The following KCTD8 variants were observed in gnomAD, a reference collection of about 807,000 sequenced individuals.
The protein encoded by KCTD8 is BTB/POZ domain-containing protein KCTD8.
KCTD8 carries 27 observed loss-of-function variants against 31.5 expected under a neutral mutation model. That is an observed-to-expected ratio of 0.86 (90% CI 0.63 to 1.18). KCTD8 has a LOEUF of 1.18. Ranked by LOEUF, KCTD8 falls within the 50% of genes most tolerant of loss-of-function variation. The pLI is 0.00. For synonymous variants in KCTD8, 290 were observed against 280.0 expected (o/e 1.04, Z -0.36); for missense variants, 658 against 647.7 (o/e 1.02, Z -0.17).
chr4:44,199,539 T>C (rs1395378608), intron 1 of KCTD8, among the ~76,000 whole-genome samples: 1 of 152,016 alleles, frequency 6.6e-6, no homozygotes, highest in Non-Finnish European at 1.5e-5. Context: ...ATTAATCAAC[T>C]TGCTCCAGAA....
intron 1 of KCTD8, among the ~76,000 whole-genome samples, chr4:44,181,815 C>T (rs185960622): frequency 0.053 from 8,000 of 151,620 alleles, 273 homozygotes; most frequent in Non-Finnish European, 0.077. Flanking sequence ...CGTCTCTGCC[C>T]GGCTGCCCAT....
rs564912761 is a variant in KCTD8 at position 44,347,700 on chromosome 4, C to T, written c.961+99863G>A. On this transcript the variant is annotated intron_variant, in intron 1 of 1. Coordinates refer to ENST00000360029, the MANE Select transcript of KCTD8 (RefSeq NM_198353.3). ...AAATTATATTAGATTAAAATATGAG[C>T]ATTATCAACACTGATATTTACAATT... Among the ~76,000 whole-genome samples the T allele has an allele frequency of 3.9e-5, 6 of 152,152 alleles. No homozygotes were observed. In the South Asian group the frequency reaches 1.2e-3, roughly 32 times the overall value.
chr4:44,377,474 A>G (rs1362301349), intron 1 of KCTD8, among the ~76,000 whole-genome samples: 1 of 152,172 alleles, frequency 6.6e-6, no homozygotes, highest in Non-Finnish European at 1.5e-5. Context: ...GGGGGGTAGA[A>G]TTATGGGGTC....
rs557414846 is a variant in KCTD8, at chr4:44,288,526, C to T, written c.962-113276G>A. Among the ~76,000 whole-genome samples the T allele has an allele frequency of 1.4e-4, 22 of 152,132 alleles. No homozygotes were observed. In the South Asian group the frequency reaches 4.4e-3, roughly 30 times the overall value. On this transcript the variant is annotated intron_variant, in intron 1 of 1. Transcript: ENST00000360029. ...GAGTTTGACATGGTTATAATTTCTG[C>T]TCTTTCAAAGCAAGGAAGTAGTAGA...
At chr4:44,217,841 G>A (rs952166435) in intron 1 of KCTD8, among the ~76,000 whole-genome samples, 10 of 151,996 alleles carry the variant, frequency 6.6e-5, no homozygotes, top group Admixed American at 1.3e-4. Flanking sequence ...TCAGGCCTTT[G>A]GCCACAGACT....
At chr4:44,317,849 A>T (rs1434105554) in intron 1 of KCTD8, among the ~76,000 whole-genome samples, 1 of 152,194 alleles carries the variant, frequency 6.6e-6, no homozygotes. Flanking sequence ...AGCAGTGCCC[A>T]CAAAGATTAC....
intron 1 of KCTD8, among the ~76,000 whole-genome samples, chr4:44,285,225 T>C (rs1258440917): frequency 6.6e-6 from 1 of 152,136 alleles, no homozygotes; most frequent in Non-Finnish European, 1.5e-5. Flanking sequence ...ACCAACCCAA[T>C]TGTCCATCAA....
intron 1 of KCTD8, among the ~76,000 whole-genome samples, chr4:44,310,167 T>A (rs1254670585): frequency 3.3e-5 from 5 of 152,140 alleles, no homozygotes; most frequent in African/African-American, 1.2e-4. Flanking sequence ...AAAACTTATG[T>A]AGTCCAGTGA....
chr4:44,375,149 A>G (rs969655335), intron 1 of KCTD8, among the ~76,000 whole-genome samples: 28 of 152,288 alleles, frequency 1.8e-4, no homozygotes, highest in African/African-American at 6.5e-4. Flanking sequence ...TCCACGAAGC[A>G]AAGGATATAA....
rs115089799 is a variant in KCTD8, at chr4:44,187,085, G to A, written c.962-11835C>T. Among the ~76,000 whole-genome samples the A allele has an allele frequency of 1.0e-2, 1,519 of 152,298 alleles. 19 individuals are homozygous for A. The highest frequency in any genetic ancestry group is 0.016 in the Non-Finnish European group (1,110 of 68,040). ...AGTGAGTCATAAGAAGAGCCTCACA[G>A]TCTCTCTAGTTAATGAAAATATTCC... On this transcript the variant is annotated intron_variant, in intron 1 of 1. Coordinates refer to ENST00000360029, the MANE Select transcript of KCTD8 (RefSeq NM_198353.3).
chr4:44,383,435 C>T (rs1720125705), intron 1 of KCTD8, among the ~76,000 whole-genome samples: 1 of 151,972 alleles, frequency 6.6e-6, no homozygotes, highest in Admixed American at 6.6e-5. Context: ...CCTTTAGGAA[C>T]CAAACCAGCA....
chr4:44,287,690 C>T (rs941657343), intron 1 of KCTD8, among the ~76,000 whole-genome samples: 1 of 152,098 alleles, frequency 6.6e-6, no homozygotes, highest in Non-Finnish European at 1.5e-5. Context: ...CATTTGTCAC[C>T]TTTGGCACCA....
intron 1 of KCTD8, among the ~76,000 whole-genome samples, chr4:44,274,732 T>C (rs377083371): frequency 1.3e-5 from 2 of 152,002 alleles, no homozygotes; most frequent in East Asian, 3.9e-4. Context: ...CCCTAATACA[T>C]TTTATCATCT....
chr4:44,447,442 CTA>C, intron 1 of KCTD8, 119 bp downstream of exon 1: 1 of 1,408,282 alleles, frequency 7.1e-7, no homozygotes, highest in Non-Finnish European at 9.2e-7. Context: ...GAGCCGCTCT[CTA>C]TAAGGAGTTA....
chr4:44,417,423 AT>A (rs1343315317), intron 1 of KCTD8, among the ~76,000 whole-genome samples: 1 of 152,086 alleles, frequency 6.6e-6, no homozygotes, highest in Non-Finnish European at 1.5e-5. Context: ...TTTGAAGACG[AT>A]TTTGAAATAA....
At chr4:44,431,772 T>C (rs1721512393) in intron 1 of KCTD8, among the ~76,000 whole-genome samples, 1 of 151,562 alleles carries the variant, frequency 6.6e-6, no homozygotes, top group Non-Finnish European at 1.5e-5. Context: ...CCCTAGCATT[T>C]TTCAGACTGA....
intron 1 of KCTD8, among the ~76,000 whole-genome samples, chr4:44,319,714 A>G (rs143444288): frequency 6.6e-6 from 1 of 152,190 alleles, no homozygotes; most frequent in African/African-American, 2.4e-5. Context: ...AATGCCAAAA[A>G]GTAAAGAATT....
intron 1 of KCTD8, among the ~76,000 whole-genome samples, chr4:44,208,122 A>G (rs373881969): frequency 1.3e-5 from 2 of 152,316 alleles, no homozygotes; most frequent in East Asian, 3.9e-4. Context: ...AGGTGACCAC[A>G]GCCTTTAAGA....
intron 1 of KCTD8, among the ~76,000 whole-genome samples, chr4:44,285,563 A>G (rs186584196): frequency 1.3e-5 from 2 of 152,260 alleles, no homozygotes; most frequent in Admixed American, 1.3e-4. Flanking sequence ...TGGCGTATGT[A>G]TACTTATGTA....
Sources: gnomAD v4.1 joint callset for allele counts (sites outside exome capture counted in the v4.1 genomes callset) on GRCh38, gnomAD v4.1.1 for gene constraint, MANE v1.5 for transcripts, NCBI Gene and HGNC (gene_info 2026-07-23, HGNC 2026-07-21) for gene names.